Variants in ANTXR1 observed in about 807,000 individuals in gnomAD.
ANTXR1 encodes the protein anthrax toxin receptor 1.
Under a neutral mutation model 78.1 loss-of-function variants are expected in ANTXR1, and 19 were observed. That is an observed-to-expected ratio of 0.24 (90% CI 0.17 to 0.36). The LOEUF is 0.36. Ranked by LOEUF, ANTXR1 falls within the 10% of genes least tolerant of loss-of-function variation. ANTXR1 has a pLI of 1.00. For missense variants in ANTXR1, 518 were observed against 718.6 expected (o/e 0.72, Z 3.19); for synonymous variants, 273 against 260.5 (o/e 1.05, Z -0.46).
At chr2:69,207,828 G>A (rs925314444) in intron 17 of ANTXR1, among the ~76,000 whole-genome samples, 4 of 152,278 alleles carry the variant, frequency 2.6e-5, no homozygotes, top group African/African-American at 9.6e-5. Context: ...ATTTGAAGGT[G>A]GAGAAGAATT....
At chr2:69,057,756 G>A (rs1247809508) in intron 3 of ANTXR1, among the ~76,000 whole-genome samples, 1 of 152,160 alleles carries the variant, frequency 6.6e-6, no homozygotes, top group Non-Finnish European at 1.5e-5. Flanking sequence ...TAAATTCAAA[G>A]CTAGAAATGA....
intron 3 of ANTXR1, among the ~76,000 whole-genome samples, chr2:69,045,601 C>A (rs1032985935): frequency 3.3e-5 from 5 of 152,056 alleles, no homozygotes; most frequent in Non-Finnish European, 7.4e-5. Flanking sequence ...AGGGCCAGTA[C>A]AGGGGGGGCA....
intron 14 of ANTXR1, among the ~76,000 whole-genome samples, chr2:69,174,247 T>C (rs1397728226): frequency 1.3e-5 from 2 of 152,230 alleles, no homozygotes; most frequent in African/African-American, 2.4e-5. Context: ...CAATGTTTTT[T>C]GATATTTAAA....
chr2:69,235,651 C>CAAA (rs554310438), intron 17 of ANTXR1, among the ~76,000 whole-genome samples: 133 of 57,860 alleles, frequency 2.3e-3, no homozygotes, highest in Non-Finnish European at 3.0e-3. Flanking sequence ...AACCCCGTCT[C>CAAA]AAAAAAAAAA....
chr2:69,160,132 G>A (rs1007301677), intron 13 of ANTXR1, among the ~76,000 whole-genome samples: 1 of 152,076 alleles, frequency 6.6e-6, no homozygotes. Flanking sequence ...ATATGGACAC[G>A]CCTCAGGCTA....
At chr2:69,071,000 C>G (rs1300830921) in intron 4 of ANTXR1, among the ~76,000 whole-genome samples, 1 of 152,204 alleles carries the variant, frequency 6.6e-6, no homozygotes, top group Non-Finnish European at 1.5e-5. Flanking sequence ...ACAAGTCCCG[C>G]CACTCCAAAA....
At chr2:69,146,559 C>G (rs1673230610) in intron 12 of ANTXR1, among the ~76,000 whole-genome samples, 1 of 152,186 alleles carries the variant, frequency 6.6e-6, no homozygotes, top group Non-Finnish European at 1.5e-5. Flanking sequence ...CCAAGGGCAG[C>G]AAACACTGAG....
chr2:69,149,048 C>T (rs1249019255), intron 12 of ANTXR1, among the ~76,000 whole-genome samples: 2 of 152,252 alleles, frequency 1.3e-5, no homozygotes, highest in Admixed American at 6.5e-5. Flanking sequence ...TTATCAAAAA[C>T]TCATGCCCTT....
chr2:69,157,738 G>T (rs185243627), intron 13 of ANTXR1, among the ~76,000 whole-genome samples: 1 of 152,244 alleles, frequency 6.6e-6, no homozygotes, highest in African/African-American at 2.4e-5. Flanking sequence ...TGAATGAATG[G>T]ATACCATTGT....
intron 17 of ANTXR1, among the ~76,000 whole-genome samples, chr2:69,214,028 G>C (rs1023909176): frequency 5.3e-5 from 8 of 152,280 alleles, no homozygotes; most frequent in Non-Finnish European, 8.8e-5. Flanking sequence ...TCTCAGCCAG[G>C]GCAGGACAGG....
chr2:69,135,355 T>C (rs1672879282), intron 12 of ANTXR1, among the ~76,000 whole-genome samples: 1 of 152,148 alleles, frequency 6.6e-6, no homozygotes, highest in African/African-American at 2.4e-5. Flanking sequence ...GATAAGCCAA[T>C]AGTAAGATGG....
At chr2:69,142,456 T>C (rs529410288) in intron 12 of ANTXR1, among the ~76,000 whole-genome samples, 7 of 152,268 alleles carry the variant, frequency 4.6e-5, no homozygotes, top group Non-Finnish European at 8.8e-5. Flanking sequence ...ATAATTTCTA[T>C]AAAATAAAGT....
rs72827699 is a variant in ANTXR1, at chr2:69,234,439, T to G, written c.1435-10786T>G. Among the ~76,000 whole-genome samples the G allele has an allele frequency of 3.4e-3, 514 of 152,300 alleles. 2 individuals are homozygous for G. The highest frequency in any genetic ancestry group is 5.9e-3 in the Non-Finnish European group (398 of 68,024). ...TAGCAAAATATATTCCAGATGATAATAGTTAACATTTACTGGGTAATTTTA... is the reference window on the plus strand; with the variant it reads ...TAGCAAAATATATTCCAGATGATAAGAGTTAACATTTACTGGGTAATTTTA... On this transcript the variant is annotated intron_variant, in intron 17 of 17. Coordinates refer to ENST00000303714, the MANE Select transcript of ANTXR1 (RefSeq NM_032208.3).
At chr2:69,161,386 T>G (rs965872740) in intron 13 of ANTXR1, among the ~76,000 whole-genome samples, 3 of 152,140 alleles carry the variant, frequency 2.0e-5, no homozygotes, top group Non-Finnish European at 2.9e-5. Context: ...AAATCTGAGT[T>G]CCAAATTGGA....
At chr2:69,152,888 A>T (rs895614168) in intron 13 of ANTXR1, among the ~76,000 whole-genome samples, 1 of 152,152 alleles carries the variant, frequency 6.6e-6, no homozygotes, top group African/African-American at 2.4e-5. Context: ...TCACATGACA[A>T]TGTCTCCCCA....
intron 17 of ANTXR1, among the ~76,000 whole-genome samples, chr2:69,228,211 A>G (rs1290683986): frequency 6.6e-6 from 1 of 152,190 alleles, no homozygotes; most frequent in East Asian, 1.9e-4. Flanking sequence ...GGAAAAAGGG[A>G]TAGGGATACA....
intron 17 of ANTXR1, among the ~76,000 whole-genome samples, chr2:69,233,344 G>A (rs1447188782): frequency 1.3e-5 from 2 of 151,740 alleles, no homozygotes; most frequent in Admixed American, 1.3e-4. Flanking sequence ...CTGTGAATTT[G>A]GGTGCAAAAA....
intron 1 of ANTXR1, among the ~76,000 whole-genome samples, chr2:69,034,593 A>G (rs1671622008): frequency 6.6e-6 from 1 of 152,114 alleles, no homozygotes; most frequent in South Asian, 2.1e-4. Context: ...TTTTACATCC[A>G]CTGATTTCTA....
At chr2:69,115,580 T>G (rs1672115509) in intron 10 of ANTXR1, among the ~76,000 whole-genome samples, 1 of 152,216 alleles carries the variant, frequency 6.6e-6, no homozygotes, top group South Asian at 2.1e-4. Context: ...GTGGCAAGGC[T>G]GTGTTGGGTC....
Sources: allele counts gnomAD v4.1 joint callset (sites outside exome capture counted in the v4.1 genomes callset), GRCh38; gene constraint gnomAD v4.1.1; transcripts MANE v1.5; gene names NCBI Gene and HGNC (gene_info 2026-07-23, HGNC 2026-07-21).